Variants in CAMTA1 observed in about 807,000 individuals in gnomAD.
CAMTA1 encodes calmodulin-binding transcription activator 1.
In CAMTA1, 27 loss-of-function variants were observed where a neutral mutation model predicts 170.9. That is an observed-to-expected ratio of 0.16 (90% confidence interval 0.12 to 0.22). The LOEUF is 0.22. CAMTA1 is among the 10% of genes least tolerant of loss of function. CAMTA1 has a pLI of 1.00. For missense variants in CAMTA1, 1,619 were observed against 2,217.2 expected, an observed-to-expected ratio of 0.73 and a Z score of 5.42; for synonymous variants, 833 against 891.5, an observed-to-expected ratio of 0.93 and a Z score of 1.17.
chr1:7,254,126 G>A (rs1667018488), intron 5 of CAMTA1, among the ~76,000 whole-genome samples: 1 of 152,124 alleles, frequency 6.6e-6, no homozygotes, highest in African/African-American at 2.4e-5. Flanking sequence ...TGACAGAGGA[G>A]GGCTGGGAAA....
intron 5 of CAMTA1, among the ~76,000 whole-genome samples, chr1:7,406,431 T>C (rs1375293752): frequency 6.6e-6 from 1 of 152,114 alleles, no homozygotes; most frequent in Non-Finnish European, 1.5e-5. Flanking sequence ...AGATGAACAA[T>C]CGGGATAGGG....
chr1:7,237,874 G>A (rs1182387047), intron 4 of CAMTA1, among the ~76,000 whole-genome samples: 1 of 152,220 alleles, frequency 6.6e-6, no homozygotes, highest in Non-Finnish European at 1.5e-5. Context: ...AAGTCTGTTA[G>A]TTACAGAGAA....
At chr1:7,529,335 T>G (rs957124189) in intron 6 of CAMTA1, among the ~76,000 whole-genome samples, 5 of 151,760 alleles carry the variant, frequency 3.3e-5, no homozygotes, top group African/African-American at 1.2e-4. Context: ...TCTCCTCTTG[T>G]GTGAGCTGGG....
chr1:7,693,139 G>C (rs2149425643), intron 11 of CAMTA1: 1 of 152,594 alleles, frequency 6.6e-6, no homozygotes, highest in East Asian at 1.9e-4. Context: ...AAAAGAAAGG[G>C]GTTTAATTGG....
At chr1:6,828,286 CTTTT>C (rs746522147) in intron 3 of CAMTA1, among the ~76,000 whole-genome samples, 1 of 69,746 alleles carries the variant, frequency 1.4e-5, no homozygotes, top group African/African-American at 6.4e-5. Context: ...TCATTCCATC[CTTTT>C]TTTTTTTTTT....
Position 6,947,950 on chromosome 1 carries a change from G to C in CAMTA1, c.234+122740G>C, listed in dbSNP as rs763138916. 7.3e-4 allele frequency among the ~76,000 whole-genome samples: 111 copies of C among 152,164 alleles called. 1 individual carries two copies. Among genetic ancestry groups the C allele is most frequent in the Middle Eastern group, 6.8e-3 (2 of 294 alleles). On this transcript the variant is annotated intron_variant, in intron 3 of 22. Coordinates refer to ENST00000303635, the MANE Select transcript of CAMTA1 (RefSeq NM_015215.4). Reference sequence around the variant, plus strand: ...ATTCTTCAGGATTTTCTACATACAAGATCATCTCATCTGTGAATTGAGACA... The same window carrying C: ...ATTCTTCAGGATTTTCTACATACAACATCATCTCATCTGTGAATTGAGACA...
At chr1:7,229,323 T>C (rs1166028314) in intron 4 of CAMTA1, among the ~76,000 whole-genome samples, 1 of 145,092 alleles carries the variant, frequency 6.9e-6, no homozygotes, top group Non-Finnish European at 1.5e-5. Context: ...TGAGGGCAGA[T>C]GGTGAAGTGT....
intron 3 of CAMTA1, among the ~76,000 whole-genome samples, chr1:6,894,609 G>T (rs1450096758): frequency 2.0e-5 from 3 of 152,192 alleles, no homozygotes; most frequent in Non-Finnish European, 4.4e-5. Context: ...TCTGTTAAAT[G>T]TAAAATAGTT....
intron 6 of CAMTA1, among the ~76,000 whole-genome samples, chr1:7,614,600 G>A (rs1372532800): frequency 1.3e-5 from 2 of 152,136 alleles, no homozygotes; most frequent in East Asian, 1.9e-4. Context: ...AATGCCTCCC[G>A]CGTTATTAAC....
chr1:7,414,632 G>A (rs1456774250), intron 5 of CAMTA1, among the ~76,000 whole-genome samples: 2 of 151,804 alleles, frequency 1.3e-5, no homozygotes, highest in African/African-American at 4.8e-5. Context: ...TATTGTGTCT[G>A]TTTGATTCTT....
chr1:6,793,964 T>G (rs890645025), intron 1 of CAMTA1, among the ~76,000 whole-genome samples: 3 of 152,150 alleles, frequency 2.0e-5, no homozygotes, highest in African/African-American at 7.2e-5. Flanking sequence ...AATAAGAAAT[T>G]GGTACAAAGT....
intron 5 of CAMTA1, among the ~76,000 whole-genome samples, chr1:7,346,745 C>G (rs845243): frequency 6.6e-6 from 1 of 152,054 alleles, no homozygotes; most frequent in African/African-American, 2.4e-5. Context: ...TCAGTGCTCT[C>G]GGCCCTGAAG....
intron 5 of CAMTA1, among the ~76,000 whole-genome samples, chr1:7,385,935 C>T (rs573659533): frequency 6.6e-6 from 1 of 152,338 alleles, no homozygotes; most frequent in East Asian, 1.9e-4. Flanking sequence ...TCACTCGCTC[C>T]TTCTGGGCTG....
At chr1:7,294,008 T>C (rs1340482146) in intron 5 of CAMTA1, among the ~76,000 whole-genome samples, 1 of 152,224 alleles carries the variant, frequency 6.6e-6, no homozygotes, top group Non-Finnish European at 1.5e-5. Flanking sequence ...AGCACAGTTG[T>C]GTCCAAAGCC....
chr1:6,977,001 T>C (rs140480376), intron 3 of CAMTA1, among the ~76,000 whole-genome samples: 1,682 of 152,318 alleles, frequency 0.011, 25 homozygotes, highest in African/African-American at 0.037. Context: ...CCTTTGCCTT[T>C]CACCATGATT....
chr1:7,028,354 C>T (rs921740705), intron 3 of CAMTA1, among the ~76,000 whole-genome samples: 1 of 152,122 alleles, frequency 6.6e-6, no homozygotes, highest in Non-Finnish European at 1.5e-5. Flanking sequence ...CGTGGTAGAG[C>T]TGGTGGTCAG....
In CAMTA1 at chr1:7,010,101, A is replaced by G. The variant is rs777459879; in HGVS notation, c.235-81203A>G. ...GGGTTGGTTGGTTTGTTTCTTCTGG[A>G]TTTGGATTTGTCCCCAGGACAGACG... On this transcript the variant is annotated intron_variant, in intron 3 of 22. Transcript: ENST00000303635. The surrounding 1 kb of genome is among the most constrained non-coding windows in gnomAD (Gnocchi z 4.4). 3.3e-5 allele frequency among the ~76,000 whole-genome samples: 5 copies of G among 152,082 alleles called. No individual in the cohort carries two copies. Among genetic ancestry groups the G allele is most frequent in the Non-Finnish European group, 7.4e-5 (5 of 68,000 alleles).
chr1:6,893,051 G>T (rs1303219293), intron 3 of CAMTA1, among the ~76,000 whole-genome samples: 1 of 152,028 alleles, frequency 6.6e-6, no homozygotes, highest in South Asian at 2.1e-4. Context: ...GGAGGCCGAG[G>T]CGGGCGGATC....
intron 11 of CAMTA1, among the ~76,000 whole-genome samples, chr1:7,718,522 T>A (rs1184730723): frequency 6.6e-6 from 1 of 151,910 alleles, no homozygotes; most frequent in East Asian, 1.9e-4. Flanking sequence ...GGTTAGATCA[T>A]TCATTGTTCA....
Sources: allele counts gnomAD v4.1 joint callset (sites outside exome capture counted in the v4.1 genomes callset), GRCh38; gene constraint gnomAD v4.1.1; non-coding constraint Gnocchi (gnomAD v3.1); transcripts MANE v1.5; gene names NCBI Gene and HGNC (gene_info 2026-07-23, HGNC 2026-07-21).